The following SSC5D variants were observed in gnomAD, a reference collection of about 807,000 sequenced individuals.
The protein encoded by SSC5D is scavenger receptor cysteine rich family member with 5 domains, also known as soluble scavenger receptor cysteine-rich domain-containing protein SSC5D.
A neutral mutation model predicts 104.6 loss-of-function variants in SSC5D; 106 were observed. The ratio of observed to expected loss-of-function variants is 1.01; its 90% CI spans 0.87 to 1.19. The LOEUF (loss-of-function observed/expected upper bound fraction) is 1.19. Among genes scored for constraint, SSC5D ranks in the 50% most tolerant of loss-of-function variants. SSC5D has a pLI of 0.00. For synonymous variants in SSC5D, 860 were observed against 883.5 expected, an observed-to-expected ratio of 0.97 and a Z score of 0.47; for missense variants, 1,993 against 2,153.8, an observed-to-expected ratio of 0.93 and a Z score of 1.48.
chr19:55,493,189 G>A (rs1430300424), intron 6 of SSC5D, among the ~76,000 whole-genome samples: 3 of 152,164 alleles, frequency 2.0e-5, no homozygotes, highest in East Asian at 1.9e-4. Flanking sequence ...TTTGGTTGTC[G>A]CAGCTAGGGG....
Position 55,499,873 on chromosome 19 carries a change from T to C in SSC5D, c.1763T>C (p.Leu588Pro), listed in dbSNP as rs1298520199. The change falls in exon 10 of 14, where the codon CTG becomes CCG. Residue 588 changes from leucine (L) to proline (P), a missense_variant. By Grantham distance (98) the Leu-to-Pro change is moderately conservative (BLOSUM62 -3). This residue lies in a region of SSC5D where 1,101 missense variants were observed against 1,085.0 expected (regional missense o/e 1.01). Coordinates refer to ENST00000389623, the MANE Select transcript of SSC5D (RefSeq NM_001144950.2). ...DPFSWSWIPGLGRDRDAWLPG... is the reference protein window; with the variant it reads ...DPFSWSWIPGPGRDRDAWLPG... ...TTCAGCTGGAGCTGGATTCCTGGACTGGGGAGAGATCGGGATGCCTGGCTC... is the reference window on the plus strand; with the variant it reads ...TTCAGCTGGAGCTGGATTCCTGGACCGGGGAGAGATCGGGATGCCTGGCTC... The C allele has an allele frequency of 6.4e-7, 1 of 1,551,562 alleles. No individual in the cohort carries two copies. The highest frequency in any genetic ancestry group is 1.7e-4 in the Middle Eastern group (1 of 5,992).
Position 55,500,968 on chromosome 19 carries a change from G to A in SSC5D, c.2618-66G>A, listed in dbSNP as rs974185312. 2.6e-6 allele frequency: 4 copies of A among 1,542,508 alleles called. No individual in the cohort carries two copies. Among genetic ancestry groups the A allele is most frequent in the Middle Eastern group, 1.7e-4 (1 of 5,970 alleles). The stretch of plus-strand genomic sequence containing the variant: ...CTCCAGAAGATTCCAAAAGGGGAGG[G>A]AAGAGCAGCAGCAAGGACCTCTGAG... On this transcript the variant is annotated intron_variant, in intron 11 of 13. Coordinates refer to ENST00000389623, the MANE Select transcript of SSC5D (RefSeq NM_001144950.2). The surrounding 1 kb of genome is among the most constrained non-coding windows in gnomAD (Gnocchi z 4.6).
In SSC5D at chr19:55,500,008, C is replaced by CA. The variant is rs748806552; in HGVS notation, c.1904dup (p.Asn635LysfsTer37). On this transcript the variant is annotated frameshift_variant, in exon 10 of 14. Transcript: ENST00000389623. LOFTEE classifies it high-confidence loss of function. The surrounding 1 kb of genome is among the most constrained non-coding windows in gnomAD (Gnocchi z 4.6). Reference sequence around the variant, plus strand: ...CCTAAGAGTACTAAGAAGTGGGTGACAAAAAATGCAAAGAGACCAACCACT... The same window carrying CA: ...CCTAAGAGTACTAAGAAGTGGGTGACAAAAAAATGCAAAGAGACCAACCACT... 1.2e-5 allele frequency: 18 copies of CA among 1,551,720 alleles called. No homozygotes were observed. Among genetic ancestry groups the CA allele is most frequent in the East Asian group, 2.4e-5 (1 of 40,896 alleles).
In SSC5D at chr19:55,519,051, AC is replaced by A. The variant is rs2123464040; in HGVS notation, c.*54del. On this transcript the variant is annotated 3_prime_UTR_variant, in exon 14 of 14. Coordinates refer to ENST00000389623, the MANE Select transcript of SSC5D (RefSeq NM_001144950.2). The stretch of plus-strand genomic sequence containing the variant: ...ACACCCCCAACCAAAAAAAACAAAA[AC>A]AAAAAAAACCCCCAAAGTATCTAAT... The A allele has an allele frequency of 3.4e-6, 5 of 1,492,204 alleles. No homozygotes were observed. The highest frequency in any genetic ancestry group is 1.7e-4 in the Middle Eastern group (1 of 5,722). The allele number at this position is 1,492,204 out of a possible 1,614,324, so 92.4% of individuals were successfully genotyped here.
At position 55,498,165 on chromosome 19, in the gene SSC5D, C is replaced by T. The variant is rs996948486; in HGVS notation, c.1673C>T (p.Ala558Val). The change falls in exon 9 of 14, where the codon GCT (alanine) becomes GTT (valine). Residue 558 changes from alanine to valine, a missense_variant. Transcript: ENST00000389623. ...GCTCCCTGGGGAAAGCACAACTGCGCTCACAATGAGGATGTTGGGGTCACC... is the reference window on the plus strand; with the variant it reads ...GCTCCCTGGGGAAAGCACAACTGCGTTCACAATGAGGATGTTGGGGTCACC... ...PAAPWGKHNC[A>V]HNEDVGVTCT... 5.2e-6 allele frequency: 8 copies of T among 1,551,622 alleles called. No individual in the cohort carries two copies. The African/African-American group carries it at 9.6e-5, about 19-fold the overall frequency.
chr19:55,508,439 C>T (rs2123453028), intron 12 of SSC5D, among the ~76,000 whole-genome samples: 1 of 152,298 alleles, frequency 6.6e-6, no homozygotes, highest in East Asian at 1.9e-4. Context: ...CCTGTGGTTA[C>T]ACTCCCTTCC....
At chr19:55,501,533 C>A (rs910390958) in intron 12 of SSC5D, among the ~76,000 whole-genome samples, 2 of 152,228 alleles carry the variant, frequency 1.3e-5, no homozygotes, top group African/African-American at 4.8e-5. Flanking sequence ...ATCGTCCCCA[C>A]CCCAGCTCCC....
chr19:55,496,398 C>T (rs1421142418), intron 8 of SSC5D, among the ~76,000 whole-genome samples: 1 of 152,250 alleles, frequency 6.6e-6, no homozygotes, highest in African/African-American at 2.4e-5. Context: ...CAGCTGTCTC[C>T]TCAAGATGGG....
At chr19:55,495,218 T>TATATATATATATATATATAC (rs1299100393) in intron 8 of SSC5D, among the ~76,000 whole-genome samples, 1 of 16,416 alleles carries the variant, frequency 6.1e-5, no homozygotes. Context: ...CCTCCTTTCA[T>TATATATATATATATATATAC]ATATATATAT....
At chr19:55,498,963 C>T (rs59703635) in intron 9 of SSC5D, among the ~76,000 whole-genome samples, 30,829 of 152,068 alleles carry the variant, frequency 0.2, 3,594 homozygotes, top group East Asian at 0.43. Context: ...ACTGTCCTGT[C>T]CCAGTGGAGT....
Position 55,513,019 on chromosome 19 carries a change from G to T in SSC5D, c.2794G>T (p.Asp932Tyr). ...TCCCCATATCTCTCTAGGCAGCAAA[G>T]ATGGTTACAAGCTTCCCTGGACGTG... The part of the protein sequence containing the change: ...IRRLPDTGSK[D>Y]GYKLPWTWDT... The change falls in exon 13 of 14, where the codon GAT becomes TAT. Residue 932 changes from aspartate (D) to tyrosine (Y), a missense_variant. Asp to Tyr is a radical substitution (Grantham distance 160). Coordinates refer to ENST00000389623, the MANE Select transcript of SSC5D (RefSeq NM_001144950.2). The T allele has an allele frequency of 6.4e-7, 1 of 1,552,100 alleles. No individual in the cohort carries two copies. Among genetic ancestry groups the T allele is most frequent in the Non-Finnish European group, 8.7e-7 (1 of 1,147,088 alleles).
At chr19:55,511,155 G>A (rs1987748126) in intron 12 of SSC5D, among the ~76,000 whole-genome samples, 1 of 152,218 alleles carries the variant, frequency 6.6e-6, no homozygotes, top group Non-Finnish European at 1.5e-5. Context: ...CTTTTAAGGT[G>A]TCTAATAGAA....
chr19:55,509,953 C>A (rs1383583526), intron 12 of SSC5D, among the ~76,000 whole-genome samples: 1 of 149,644 alleles, frequency 6.7e-6, no homozygotes, highest in African/African-American at 2.4e-5. Flanking sequence ...TGAGAGTACA[C>A]AGGAGGCTGC....
intron 12 of SSC5D, among the ~76,000 whole-genome samples, chr19:55,504,744 G>A (rs1284878134): frequency 2.0e-5 from 3 of 152,070 alleles, no homozygotes; most frequent in East Asian, 1.9e-4. Context: ...TGATCCACTC[G>A]CCTTGGCCTC....
Position 55,488,714 on chromosome 19 carries a change from G to T in SSC5D, c.25+100G>T, listed in dbSNP as rs1599908782. On this transcript the variant is annotated intron_variant, in intron 1 of 13. Coordinates refer to ENST00000389623, the MANE Select transcript of SSC5D (RefSeq NM_001144950.2). Reference sequence around the variant, plus strand: ...GGGACTCAAACTTCCGGGACTGGTCGCTGGTGCTCCTGCATACCCTGACAT... The same window carrying T: ...GGGACTCAAACTTCCGGGACTGGTCTCTGGTGCTCCTGCATACCCTGACAT... The T allele has an allele frequency of 2.8e-6, 3 of 1,088,174 alleles. No homozygotes were observed. The Admixed American group carries it at 6.0e-5, about 22-fold the overall frequency. The allele number at this position is 1,088,174 out of a possible 1,614,324, so 67.4% of individuals were successfully genotyped here.
intron 12 of SSC5D, among the ~76,000 whole-genome samples, chr19:55,510,491 G>C (rs1371523296): frequency 6.6e-6 from 1 of 152,112 alleles, no homozygotes; most frequent in Non-Finnish European, 1.5e-5. Context: ...TGGGATTACA[G>C]GCATGTTCCA....
chr19:55,491,055 C>A lies in SSC5D; in HGVS notation c.870C>A (p.Ser290Arg). 6.5e-7 allele frequency: 1 copy of A among 1,550,118 alleles called. No individual in the cohort carries two copies. The highest frequency in any genetic ancestry group is 8.7e-7 in the Non-Finnish European group (1 of 1,146,686). ...SPWGRSNCDH[S>R]EDAGLVCTGP... ...GGGGCCGGAGCAACTGTGACCACAG[C>A]GAGGATGCGGGGCTGGTCTGCACCG... is the stretch of plus-strand genomic sequence containing the variant. Residue 290 changes from serine to arginine, a missense_variant, in exon 6 of 14, where the codon AGC (serine) becomes AGA (arginine). This residue lies in a region of SSC5D where 1,101 missense variants were observed against 1,085.0 expected (regional missense o/e 1.01). Coordinates refer to ENST00000389623, the MANE Select transcript of SSC5D (RefSeq NM_001144950.2).
chr19:55,494,694 C>T lies in SSC5D; in HGVS notation c.1298C>T (p.Ser433Phe). 6.4e-7 allele frequency: 1 copy of T among 1,550,486 alleles called. No individual in the cohort carries two copies. Among genetic ancestry groups the T allele is most frequent in the Non-Finnish European group, 8.7e-7 (1 of 1,146,602 alleles). ...TPREAASRPP[S>F]TMTSQAPGTA... ...AGGGAGGCTGCCTCCAGGCCCCCGT[C>T]CACCATGACGAGCCAGGCTCCAGGG... Residue 433 changes from serine to phenylalanine, a missense_variant, in exon 8 of 14, where the codon TCC becomes TTC. Coordinates refer to ENST00000389623, the MANE Select transcript of SSC5D (RefSeq NM_001144950.2).
At chr19:55,491,208 G>A in intron 6 of SSC5D, 128 bp downstream of exon 6, 1 of 1,065,902 alleles carries the variant, frequency 9.4e-7, no homozygotes, top group South Asian at 1.7e-5. Context: ...TGCATGCCCA[G>A]CGCCCACTCA....
Sources: gnomAD v4.1 joint callset for allele counts (sites outside exome capture counted in the v4.1 genomes callset) on GRCh38, gnomAD v4.1.1 for gene constraint, gnomAD v4.1.1 regional missense constraint, Gnocchi (gnomAD v3.1) non-coding constraint, MANE v1.5 for transcripts, NCBI Gene and HGNC (gene_info 2026-07-23, HGNC 2026-07-21) for gene names.